SPIRE2: variants seen among roughly 807,000 people sequenced by gnomAD.
SPIRE2 encodes the protein protein spire homolog 2.
SPIRE2 carries 76 observed loss-of-function variants against 80.7 expected under a neutral mutation model. The ratio of observed to expected loss-of-function variants is 0.94; its 90% CI spans 0.78 to 1.14. SPIRE2 has a LOEUF of 1.14. SPIRE2 is among the 50% of genes most tolerant of loss of function. The pLI is 0.00. For synonymous variants in SPIRE2, 535 were observed against 432.6 expected, an observed-to-expected ratio of 1.24 and a Z score of -2.94; for missense variants, 1,196 against 1,015.3, an observed-to-expected ratio of 1.18 and a Z score of -2.42.
chr16:89,840,273 G>A (rs1211296776), intron 1 of SPIRE2, among the ~76,000 whole-genome samples: 2 of 142,044 alleles, frequency 1.4e-5, no homozygotes, highest in African/African-American at 5.3e-5. Flanking sequence ...TTTTTGAGAC[G>A]GAGTCTCGCT....
chr16:89,841,408 A>G lies in SPIRE2; in HGVS notation c.245-3914A>G, dbSNP rs114904473. 4.6e-3 allele frequency among the ~76,000 whole-genome samples: 695 copies of G among 152,194 alleles called. 4 individuals carry two copies. The highest frequency in any genetic ancestry group is 0.016 in the African/African-American group (658 of 41,530). ...CTGGAGAGAATTTTTTAGATAAGCAAAAGGTGGTTTGCATAACCCCATGTG... is the reference window on the plus strand; with the variant it reads ...CTGGAGAGAATTTTTTAGATAAGCAGAAGGTGGTTTGCATAACCCCATGTG... On this transcript the variant is annotated intron_variant, in intron 1 of 14. Coordinates refer to ENST00000378247, the MANE Select transcript of SPIRE2 (RefSeq NM_032451.2).
At chr16:89,833,808 G>A (rs951948026) in intron 1 of SPIRE2, among the ~76,000 whole-genome samples, 3 of 152,218 alleles carry the variant, frequency 2.0e-5, no homozygotes. Flanking sequence ...GAGGGGTTCT[G>A]CAAGGTGCAC....
At position 89,842,208 on chromosome 16, in the gene SPIRE2, A is replaced by ATTTTTTT. The variant is rs71137682; in HGVS notation, c.245-3098_245-3092dup. Among the ~76,000 whole-genome samples the ATTTTTTT allele has an allele frequency of 6.7e-3, 546 of 81,272 alleles. 76 individuals carry two copies. The highest frequency in any genetic ancestry group is 8.2e-3 in the Non-Finnish European group (395 of 48,008). 53.3% of individuals were successfully genotyped at this position (81,272 alleles called of 152,430 possible). A position where few individuals can be genotyped will look rare whatever the true frequency, so the allele number is the denominator to read the frequency against. The stretch of plus-strand genomic sequence containing the variant: ...ATACAATTAGATTCATGAACACGTA[A>ATTTTTTT]TTTTTTTTTTTTTTTTTTTTTTGTG... On this transcript the variant is annotated intron_variant, in intron 1 of 14. Coordinates refer to ENST00000378247, the MANE Select transcript of SPIRE2 (RefSeq NM_032451.2).
In SPIRE2 at chr16:89,854,519, C is replaced by A; in HGVS notation, c.759C>A (p.Leu253=). 1 of 1,612,682 alleles carries A rather than the reference C, an allele frequency of 6.2e-7. No individual in the cohort carries two copies. The highest frequency in any genetic ancestry group is 8.5e-7 in the Non-Finnish European group (1 of 1,179,890). Residue 253 remains leucine, a synonymous_variant, in exon 5 of 15, where the codon CTC becomes CTA. Transcript: ENST00000378247. ...TGTGGGTTCAGCTCATGCGGGAGCTCCGCCGCGGAGTGAAGCTGAAGAAGG... is the reference window on the plus strand; with the variant it reads ...TGTGGGTTCAGCTCATGCGGGAGCTACGCCGCGGAGTGAAGCTGAAGAAGG... ...ARLWVQLMRE[L]RRGVKLKKVQ...
At position 89,837,450 on chromosome 16, in the gene SPIRE2, CAG is replaced by C. The variant is rs1226279309; in HGVS notation, c.245-7871_245-7870del. ...TAGCCGCATCGTGAGGCGCATGTGA[CAG>C]GGGTGCTTCTTAGCCAGGAGAGAGG... is the stretch of plus-strand genomic sequence containing the variant. On this transcript the variant is annotated intron_variant, in intron 1 of 14. Transcript: ENST00000378247. Among the ~76,000 whole-genome samples, 8 of 152,324 alleles carry C rather than the reference CAG, an allele frequency of 5.3e-5. No homozygotes were observed. In the East Asian group the frequency reaches 5.8e-4, roughly 11 times the overall value.
chr16:89,828,681 G>A lies in SPIRE2; in HGVS notation c.131G>A (p.Cys44Tyr). ...PLNEEQAWAV[C>Y]FQGCRGLRGS... ...AACGAGGAGCAGGCGTGGGCCGTGT[G>A]CTTCCAGGGCTGCCGCGGGCTGCGG... is the stretch of plus-strand genomic sequence containing the variant. The change falls in exon 1 of 15, where the codon TGC (cysteine) becomes TAC (tyrosine). Residue 44 changes from cysteine to tyrosine, a missense_variant. Transcript: ENST00000378247. The surrounding 1 kb of genome is among the most constrained non-coding windows in gnomAD (Gnocchi z 5.9). 2 of 1,319,708 alleles carry A rather than the reference G, an allele frequency of 1.5e-6. No homozygotes were observed. The highest frequency in any genetic ancestry group is 1.9e-6 in the Non-Finnish European group (2 of 1,029,134). The allele number at this position is 1,319,708 out of a possible 1,614,324, so 81.7% of individuals were successfully genotyped here.
At chr16:89,836,955 A>T (rs1481909696) in intron 1 of SPIRE2, among the ~76,000 whole-genome samples, 2 of 152,108 alleles carry the variant, frequency 1.3e-5, no homozygotes, top group African/African-American at 4.8e-5. Flanking sequence ...GGATTGCGCC[A>T]TTGCACTCCA....
chr16:89,862,386 A>G (rs1451569958), intron 10 of SPIRE2: 1 of 152,242 alleles, frequency 6.6e-6, no homozygotes, highest in Non-Finnish European at 1.5e-5. Flanking sequence ...CACATTTAAG[A>G]TGACCACAGG....
chr16:89,860,422 C>T (rs935294952), intron 9 of SPIRE2, among the ~76,000 whole-genome samples: 2 of 152,082 alleles, frequency 1.3e-5, no homozygotes, highest in African/African-American at 4.8e-5. Flanking sequence ...CGATGCCTGC[C>T]TAACTTTTAT....
chr16:89,837,321 G>A (rs1346393379), intron 1 of SPIRE2, among the ~76,000 whole-genome samples: 2 of 152,158 alleles, frequency 1.3e-5, no homozygotes, highest in South Asian at 2.1e-4. Context: ...TGAGGTCTCC[G>A]TGTCAGCCCT....
At chr16:89,849,110 G>T (rs1474956997) in intron 2 of SPIRE2, among the ~76,000 whole-genome samples, 6 of 152,266 alleles carry the variant, frequency 3.9e-5, no homozygotes, top group Non-Finnish European at 8.8e-5. Context: ...GGTTTCCTGG[G>T]CTCCCAGCAG....
chr16:89,836,821 A>T (rs996604949), intron 1 of SPIRE2, among the ~76,000 whole-genome samples: 2 of 150,496 alleles, frequency 1.3e-5, no homozygotes, highest in Admixed American at 1.3e-4. Context: ...CTCTACTGAA[A>T]AAAAAAAAAA....
In SPIRE2 at chr16:89,859,398, C is replaced by A. The variant is rs1235149357; in HGVS notation, c.1462+44C>A. 6 of 1,262,364 alleles carry A rather than the reference C, an allele frequency of 4.8e-6. No homozygotes were observed. In the South Asian group the frequency reaches 1.0e-4, roughly 21 times the overall value. 78.2% of individuals were successfully genotyped at this position (1,262,364 alleles called of 1,614,324 possible). A position where few individuals can be genotyped will look rare whatever the true frequency, so the allele number is the denominator to read the frequency against. On this transcript the variant is annotated intron_variant, in intron 9 of 14. Transcript: ENST00000378247. ...CCCCGTACCCTCCTTCGCCCCCACC[C>A]CGATCCATCCTGTGGGCACCATCCC...
chr16:89,860,720 C>T lies in SPIRE2; in HGVS notation c.1500C>T (p.Pro500=), dbSNP rs1274525311. 1.9e-6 allele frequency: 3 copies of T among 1,592,354 alleles called. No individual in the cohort carries two copies. Among genetic ancestry groups the T allele is most frequent in the East Asian group, 4.6e-5 (2 of 43,682 alleles). Residue 500 remains proline, a synonymous_variant, in exon 10 of 15, where the codon CCC becomes CCT. Transcript: ENST00000378247. ...CPASVSDPSH[P]LLSNRGSSGD... is the part of the protein sequence containing the mutation. ...CGAGTGTCTCTGACCCCAGCCACCCCCTACTCAGCAACCGGGGCTCCTCGG... is the reference window on the plus strand; with the variant it reads ...CGAGTGTCTCTGACCCCAGCCACCCTCTACTCAGCAACCGGGGCTCCTCGG...
At chr16:89,842,078 C>T (rs2041510948) in intron 1 of SPIRE2, among the ~76,000 whole-genome samples, 1 of 152,034 alleles carries the variant, frequency 6.6e-6, no homozygotes, top group South Asian at 2.1e-4. Flanking sequence ...TTTATAACAT[C>T]CTGGGCTCGG....
At chr16:89,864,136 G>A (rs1486149239) in intron 12 of SPIRE2, among the ~76,000 whole-genome samples, 1 of 152,190 alleles carries the variant, frequency 6.6e-6, no homozygotes, top group Middle Eastern at 3.2e-3. Context: ...GTGAAACAAT[G>A]GTTTTCAAGA....
chr16:89,851,664 G>C (rs1048623965), intron 3 of SPIRE2, among the ~76,000 whole-genome samples: 1 of 152,114 alleles, frequency 6.6e-6, no homozygotes, highest in Non-Finnish European at 1.5e-5. Flanking sequence ...CCCTGGGCAC[G>C]GCTGCTGCCC....
At chr16:89,841,689 C>T (rs193166061) in intron 1 of SPIRE2, among the ~76,000 whole-genome samples, 1 of 152,024 alleles carries the variant, frequency 6.6e-6, no homozygotes, top group East Asian at 1.9e-4. Flanking sequence ...CAGATAGAGG[C>T]CACGGTAAAT....
intron 1 of SPIRE2, among the ~76,000 whole-genome samples, chr16:89,840,628 GTT>G (rs1322897779): frequency 1.5e-5 from 2 of 137,006 alleles, no homozygotes; most frequent in South Asian, 2.4e-4. Flanking sequence ...AAAATAAAAA[GTT>G]TTCAAATTTT....
Sources: gnomAD v4.1 joint callset for allele counts (sites outside exome capture counted in the v4.1 genomes callset) on GRCh38, gnomAD v4.1.1 for gene constraint, Gnocchi (gnomAD v3.1) non-coding constraint, MANE v1.5 for transcripts, NCBI Gene and HGNC (gene_info 2026-07-23, HGNC 2026-07-21) for gene names.